The following ASIP variants were observed in gnomAD, a reference collection of about 807,000 sequenced individuals.
The protein encoded by ASIP is agouti signaling protein.
ASIP carries 11 observed loss-of-function variants against 10.3 expected under a neutral mutation model. The observed-to-expected ratio is 1.07, with a 90% CI of 0.68 to 1.78. ASIP has a LOEUF of 1.78. Among genes scored for constraint, ASIP ranks in the 40% most tolerant of loss-of-function variants. The pLI is 0.00. For synonymous variants in ASIP, 70 were observed against 70.8 expected, an observed-to-expected ratio of 0.99 and a Z score of 0.06; for missense variants, 180 against 169.2, an observed-to-expected ratio of 1.06 and a Z score of -0.35.
chr20:34,204,109 A>G (rs1416956920), intron 1 of ASIP, among the ~76,000 whole-genome samples: 1 of 152,266 alleles, frequency 6.6e-6, no homozygotes, highest in African/African-American at 2.4e-5. Flanking sequence ...TTATACTTGC[A>G]TACAGCAACC....
the ASIP span, among the ~76,000 whole-genome samples, chr20:34,186,642 G>A: frequency 2.6e-5 from 4 of 152,122 alleles, no homozygotes; most frequent in Non-Finnish European, 5.9e-5. Flanking sequence ...CACCAAAGCT[G>A]GAAAGAAAAT....
chr20:34,242,072 T>C (rs1038066293), intron 1 of ASIP, among the ~76,000 whole-genome samples: 1 of 152,152 alleles, frequency 6.6e-6, no homozygotes, highest in Non-Finnish European at 1.5e-5. Flanking sequence ...TTTTCAATTG[T>C]AGGTGAGTTC....
chr20:34,235,833 GAAA>G (rs1568755872), intron 1 of ASIP, among the ~76,000 whole-genome samples: 27 of 63,112 alleles, frequency 4.3e-4, no homozygotes, highest in African/African-American at 4.0e-3. Flanking sequence ...AAGAAAGAAA[GAAA>G]GAAAGAAGGA....
At chr20:34,204,698 T>C (rs2122542016) in intron 1 of ASIP, among the ~76,000 whole-genome samples, 1 of 152,354 alleles carries the variant, frequency 6.6e-6, no homozygotes, top group East Asian at 1.9e-4. Context: ...CTTTATCAGA[T>C]TGAGGAATTT....
chr20:34,257,043 T>C (rs1270232359), intron 1 of ASIP, among the ~76,000 whole-genome samples: 2 of 149,588 alleles, frequency 1.3e-5, no homozygotes, highest in Non-Finnish European at 3.0e-5. Flanking sequence ...TCTTTCTTTT[T>C]CTTTCTTTCT....
upstream of ASIP, among the ~76,000 whole-genome samples, chr20:34,192,332 C>T (rs951062587): frequency 2.6e-5 from 4 of 152,126 alleles, no homozygotes; most frequent in Admixed American, 2.6e-4. Flanking sequence ...CTCCTGGCCT[C>T]TTTCTTTTTT....
At chr20:34,246,401 G>A in intron 1 of ASIP, 1 of 1,380,228 alleles carries the variant, frequency 7.2e-7, no homozygotes, top group Non-Finnish European at 1.0e-6. Flanking sequence ...AGCAACATCA[G>A]GCATATATTC....
upstream of ASIP, among the ~76,000 whole-genome samples, chr20:34,194,210 T>TA (rs2034840702): frequency 1.3e-5 from 2 of 152,114 alleles, no homozygotes; most frequent in South Asian, 4.1e-4. Context: ...GAACCAGGAA[T>TA]AAATGACACT....
chr20:34,190,000 A>G (rs1047299622), upstream of ASIP, among the ~76,000 whole-genome samples: 1 of 152,210 alleles, frequency 6.6e-6, no homozygotes, highest in African/African-American at 2.4e-5. Flanking sequence ...CTCCCGCTGC[A>G]GAGCTTTTGT....
At chr20:34,247,300 CTTTTTT>C (rs201908221) in intron 1 of ASIP, among the ~76,000 whole-genome samples, 1 of 120,694 alleles carries the variant, frequency 8.3e-6, no homozygotes, top group Non-Finnish European at 1.8e-5. Flanking sequence ...TTATATGATG[CTTTTTT>C]TTTTTTTTTT....
chr20:34,265,969 G>A (rs998301614), intron 3 of ASIP, among the ~76,000 whole-genome samples: 2 of 151,988 alleles, frequency 1.3e-5, no homozygotes, highest in African/African-American at 4.8e-5. Flanking sequence ...AAAGCGGAGG[G>A]GGGGAAGTTA....
chr20:34,265,401 G>A (rs1311678809), intron 3 of ASIP, among the ~76,000 whole-genome samples: 2 of 152,098 alleles, frequency 1.3e-5, no homozygotes, highest in Admixed American at 1.3e-4. Context: ...GTGTGCTCCT[G>A]TAGTCCCAGA....
chr20:34,203,389 T>C (rs769857612), intron 1 of ASIP, among the ~76,000 whole-genome samples: 2 of 151,248 alleles, frequency 1.3e-5, no homozygotes, highest in Non-Finnish European at 1.5e-5. Flanking sequence ...GTGGCATATA[T>C]ATATGTATAT....
chr20:34,257,865 T>G (rs552331325), intron 1 of ASIP, among the ~76,000 whole-genome samples: 5 of 152,148 alleles, frequency 3.3e-5, no homozygotes, highest in Non-Finnish European at 7.3e-5. Context: ...ATAGTTGGGC[T>G]GGGTGCGGTG....
Position 34,230,765 on chromosome 20 carries a change from G to A in ASIP, c.-10-29600G>A, listed in dbSNP as rs1431951590. ...CCCGGATGGGGCGGCTGGCCTGGCCGGGGCTGACCCCCCCGCACCTCCCTC... is the reference window on the plus strand; with the variant it reads ...CCCGGATGGGGCGGCTGGCCTGGCCAGGGCTGACCCCCCCGCACCTCCCTC... On this transcript the variant is annotated intron_variant, in intron 1 of 3. Coordinates refer to the ASIP transcript ENST00000568305. Among the ~76,000 whole-genome samples, 3 of 45,112 alleles carry A rather than the reference G, an allele frequency of 6.7e-5. 1 individual carries two copies. The highest frequency in any genetic ancestry group is 6.2e-4 in the East Asian group (1 of 1,618). 29.6% of individuals were successfully genotyped at this position (45,112 alleles called of 152,430 possible).
chr20:34,257,384 G>A (rs190522297), intron 1 of ASIP, among the ~76,000 whole-genome samples: 2 of 152,068 alleles, frequency 1.3e-5, no homozygotes, highest in African/African-American at 4.8e-5. Flanking sequence ...CAGCCCAGCC[G>A]GGTTGAATTT....
At chr20:34,214,439 AGCT>A in intron 1 of ASIP, 1 of 1,503,268 alleles carries the variant, frequency 6.7e-7, no homozygotes, top group South Asian at 1.1e-5. Flanking sequence ...GCAAAGCACT[AGCT>A]TTTGAAACAT....
chr20:34,226,504 C>T (rs191873738), intron 1 of ASIP, among the ~76,000 whole-genome samples: 38 of 152,206 alleles, frequency 2.5e-4, no homozygotes, highest in Non-Finnish European at 4.9e-4. Flanking sequence ...AGGTGCACAC[C>T]ACAAGGCCCG....
At chr20:34,266,240 T>G (rs2122680063) in intron 3 of ASIP, among the ~76,000 whole-genome samples, 1 of 151,874 alleles carries the variant, frequency 6.6e-6, no homozygotes, top group East Asian at 1.9e-4. Context: ...TAGTCCCAGC[T>G]ACTTGGGAGG....
Sources: allele counts gnomAD v4.1 joint callset (sites outside exome capture counted in the v4.1 genomes callset), GRCh38; gene constraint gnomAD v4.1.1; transcripts MANE v1.5; gene names NCBI Gene and HGNC (gene_info 2026-07-23, HGNC 2026-07-21).